SH3GL2: variants seen among roughly 807,000 people sequenced by gnomAD.
SH3GL2 encodes SH3 domain containing GRB2 like 2, endophilin A1, also known as endophilin-A1.
SH3GL2 carries 24 observed loss-of-function variants against 46.0 expected under a neutral mutation model. The observed-to-expected ratio is 0.52, with a 90% CI of 0.38 to 0.73. SH3GL2 has a LOEUF of 0.73. SH3GL2 is among the 30% of genes least tolerant of loss of function. SH3GL2 has a pLI of 0.00. For missense variants in SH3GL2, 413 were observed against 424.2 expected (o/e 0.97, Z 0.23); for synonymous variants, 196 against 147.1 (o/e 1.33, Z -2.40).
chr9:17,756,167 T>C (rs796670155), intron 2 of SH3GL2, among the ~76,000 whole-genome samples: 1 of 152,290 alleles, frequency 6.6e-6, no homozygotes, highest in African/African-American at 2.4e-5. Flanking sequence ...TGCTGAAATG[T>C]GAATTTGAAA....
At chr9:17,704,786 A>G (rs1246518148) in intron 1 of SH3GL2, among the ~76,000 whole-genome samples, 1 of 152,156 alleles carries the variant, frequency 6.6e-6, no homozygotes, top group African/African-American at 2.4e-5. Context: ...AATTAACACC[A>G]GATGGATTAA....
chr9:17,625,517 G>T (rs934658123), intron 1 of SH3GL2, among the ~76,000 whole-genome samples: 6 of 152,174 alleles, frequency 3.9e-5, no homozygotes, highest in African/African-American at 1.4e-4. Context: ...ACAATACCTT[G>T]TGTGATAATC....
chr9:17,701,945 C>G (rs1489506705), intron 1 of SH3GL2, among the ~76,000 whole-genome samples: 1 of 151,538 alleles, frequency 6.6e-6, no homozygotes, highest in East Asian at 1.9e-4. Flanking sequence ...TAAGATAAGC[C>G]TATTATAAAT....
chr9:17,725,831 T>G (rs539332811), intron 1 of SH3GL2, among the ~76,000 whole-genome samples: 5 of 152,256 alleles, frequency 3.3e-5, no homozygotes, highest in African/African-American at 1.2e-4. Flanking sequence ...GGGGGTTGAA[T>G]AGGCAGCGAG....
In SH3GL2 at chr9:17,786,376, T is replaced by G. The variant is rs1476589547; in HGVS notation, c.188-5T>G. ...TCTGAAAGCTTGTTCTCTCTTCACC[T>G]TCAGCTTCCAGAGCTAAGCTCAGCA... On this transcript the variant is annotated splice_polypyrimidine_tract_variant and splice_region_variant and intron_variant, in intron 3 of 8. Coordinates refer to ENST00000380607, the MANE Select transcript of SH3GL2 (RefSeq NM_003026.5). 5.0e-6 allele frequency: 8 copies of G among 1,604,738 alleles called. No individual in the cohort carries two copies. The highest frequency in any genetic ancestry group is 6.8e-6 in the Non-Finnish European group (8 of 1,176,826).
At chr9:17,746,973 A>G (rs1588297218) in intron 1 of SH3GL2, 93 bp from the exon 2 acceptor site, 1 of 800,418 alleles carries the variant, frequency 1.2e-6, no homozygotes, top group Non-Finnish European at 2.1e-6. Flanking sequence ...GTGAGATTAC[A>G]TTAGATGACA....
intron 1 of SH3GL2, among the ~76,000 whole-genome samples, chr9:17,680,809 C>T (rs1309530855): frequency 6.6e-6 from 1 of 151,988 alleles, no homozygotes; most frequent in Non-Finnish European, 1.5e-5. Flanking sequence ...AAATGTGTCC[C>T]AGAGATTCTG....
At chr9:17,625,118 T>C (rs1254378404) in intron 1 of SH3GL2, among the ~76,000 whole-genome samples, 1 of 152,168 alleles carries the variant, frequency 6.6e-6, no homozygotes, top group Non-Finnish European at 1.5e-5. Flanking sequence ...ACATGCACAT[T>C]TTGGCACTCT....
chr9:17,669,937 G>A (rs1348232142), intron 1 of SH3GL2, among the ~76,000 whole-genome samples: 1 of 152,114 alleles, frequency 6.6e-6, no homozygotes, highest in African/African-American at 2.4e-5. Flanking sequence ...AGGGGTCCCA[G>A]AAAAAGGGTT....
chr9:17,630,033 A>C (rs1257462746), intron 1 of SH3GL2, among the ~76,000 whole-genome samples: 1 of 152,170 alleles, frequency 6.6e-6, no homozygotes, highest in African/African-American at 2.4e-5. Flanking sequence ...GGACAGACAT[A>C]AAAAGCCTCA....
chr9:17,704,038 A>G (rs1821404135), intron 1 of SH3GL2, among the ~76,000 whole-genome samples: 1 of 152,084 alleles, frequency 6.6e-6, no homozygotes, highest in Non-Finnish European at 1.5e-5. Flanking sequence ...ATACCTAGAA[A>G]ATCCCATAGT....
At chr9:17,760,063 A>G (rs1588309413) in intron 2 of SH3GL2, among the ~76,000 whole-genome samples, 1 of 152,204 alleles carries the variant, frequency 6.6e-6, no homozygotes, top group Middle Eastern at 3.2e-3. Flanking sequence ...CAAGTTGTGT[A>G]CTGCACAACT....
At chr9:17,790,315 G>T in intron 6 of SH3GL2, 1 of 351,272 alleles carries the variant, frequency 2.8e-6, no homozygotes, top group Non-Finnish European at 4.0e-6. Flanking sequence ...GACACACCCA[G>T]AAATAATGCT....
Position 17,614,573 on chromosome 9 carries a change from A to G in SH3GL2, c.45+35286A>G, listed in dbSNP as rs74976829. On this transcript the variant is annotated intron_variant, in intron 1 of 8. Coordinates refer to ENST00000380607, the MANE Select transcript of SH3GL2 (RefSeq NM_003026.5). Reference sequence around the variant, plus strand: ...GAAAAGGGCAGGCACCCAACATTCTATGAGAACTTCCATGTGTCAGAGAGT... The same window carrying G: ...GAAAAGGGCAGGCACCCAACATTCTGTGAGAACTTCCATGTGTCAGAGAGT... Among the ~76,000 whole-genome samples, 1,298 of 152,294 alleles carry G rather than the reference A, an allele frequency of 8.5e-3. 33 individuals carry two copies. In the East Asian group the frequency reaches 0.12, roughly 14 times the overall value.
chr9:17,787,992 G>C (rs1417624211), intron 5 of SH3GL2, among the ~76,000 whole-genome samples: 1 of 152,076 alleles, frequency 6.6e-6, no homozygotes, highest in Non-Finnish European at 1.5e-5. Context: ...TTTCATAATG[G>C]TTGTTAGGAT....
intron 2 of SH3GL2, among the ~76,000 whole-genome samples, chr9:17,759,612 T>C: frequency 6.6e-6 from 1 of 152,120 alleles, no homozygotes; most frequent in East Asian, 1.9e-4. Flanking sequence ...TGTAAAGATA[T>C]TTATAGTCCT....
chr9:17,664,508 TCAGA>T (rs1432561281), intron 1 of SH3GL2, among the ~76,000 whole-genome samples: 2 of 152,094 alleles, frequency 1.3e-5, no homozygotes, highest in Admixed American at 6.5e-5. Context: ...CACATGGTTG[TCAGA>T]CAGTGAAGAA....
chr9:17,730,263 A>G (rs1038586876), intron 1 of SH3GL2, among the ~76,000 whole-genome samples: 8 of 151,736 alleles, frequency 5.3e-5, no homozygotes, highest in African/African-American at 1.9e-4. Context: ...CTCACTGTCT[A>G]TTATTGGTGT....
chr9:17,600,900 G>C (rs143858096), intron 1 of SH3GL2, among the ~76,000 whole-genome samples: 1 of 152,308 alleles, frequency 6.6e-6, no homozygotes, highest in East Asian at 1.9e-4. Flanking sequence ...AGAGTTTAGA[G>C]TTTAGAATAT....
Sources: allele counts gnomAD v4.1 joint callset (sites outside exome capture counted in the v4.1 genomes callset), GRCh38; gene constraint gnomAD v4.1.1; transcripts MANE v1.5; gene names NCBI Gene and HGNC (gene_info 2026-07-23, HGNC 2026-07-21).